TAF1A: variants seen among roughly 807,000 people sequenced by gnomAD.
TAF1A encodes TATA-box binding protein associated factor, RNA polymerase I subunit A.
Under a neutral mutation model 61.6 loss-of-function variants are expected in TAF1A, and 42 were observed. The ratio of observed to expected loss-of-function variants is 0.68; its 90% CI spans 0.53 to 0.88. The LOEUF (loss-of-function observed/expected upper bound fraction) is 0.88. Among genes scored for constraint, TAF1A ranks in the 40% least tolerant of loss-of-function variants. The pLI is 0.00. For synonymous variants in TAF1A, 179 were observed against 177.7 expected (o/e 1.01, Z -0.06); for missense variants, 424 against 518.7 (o/e 0.82, Z 1.77).
chr1:222,574,676 T>C (rs2102659982), intron 5 of TAF1A, among the ~76,000 whole-genome samples: 1 of 152,310 alleles, frequency 6.6e-6, no homozygotes, highest in African/African-American at 2.4e-5. Flanking sequence ...CTACATCCAA[T>C]AACATGTATT....
downstream of TAF1A, among the ~76,000 whole-genome samples, chr1:222,556,898 G>A (rs1659734883): frequency 1.3e-5 from 2 of 152,018 alleles, no homozygotes. Context: ...CTAGAGTATT[G>A]GTCTTATACA....
intron 5 of TAF1A, among the ~76,000 whole-genome samples, chr1:222,572,519 A>G (rs1227240888): frequency 2.0e-5 from 3 of 152,100 alleles, no homozygotes; most frequent in Non-Finnish European, 4.4e-5. Context: ...TACCACACTC[A>G]GCTAATTTTT....
chr1:222,556,673 G>C (rs1323386992), downstream of TAF1A, among the ~76,000 whole-genome samples: 1 of 150,648 alleles, frequency 6.6e-6, no homozygotes, highest in East Asian at 1.9e-4. Context: ...TACTCTTACT[G>C]AACATTTGAT....
At chr1:222,563,720 C>T (rs550742348) in intron 8 of TAF1A, among the ~76,000 whole-genome samples, 1 of 152,202 alleles carries the variant, frequency 6.6e-6, no homozygotes, top group Non-Finnish European at 1.5e-5. Flanking sequence ...TGAAATGTAG[C>T]AGGGATTAAA....
intron 2 of TAF1A, among the ~76,000 whole-genome samples, 160 bp downstream of exon 2, chr1:222,588,283 A>C (rs1171062325): frequency 6.6e-6 from 1 of 152,236 alleles, no homozygotes; most frequent in Non-Finnish European, 1.5e-5. Context: ...CCAAGGGCAA[A>C]GAATTCTAAA....
chr1:222,569,242 T>C, intron 7 of TAF1A: 4 of 1,267,446 alleles, frequency 3.2e-6, no homozygotes, highest in Non-Finnish European at 4.0e-6. Flanking sequence ...TAAAGTTGAT[T>C]TTCAAAAAAT....
intron 10 of TAF1A, among the ~76,000 whole-genome samples, chr1:222,560,528 C>T (rs1279156086): frequency 2.0e-5 from 3 of 152,118 alleles, no homozygotes; most frequent in African/African-American, 4.8e-5. Flanking sequence ...TGCTAGATGC[C>T]GCTCTACTCA....
Position 222,579,800 on chromosome 1 carries a change from CA to C in TAF1A, c.363del (p.Phe121LeufsTer5). 6.2e-7 allele frequency: 1 copy of C among 1,611,208 alleles called. No individual in the cohort carries two copies. Among genetic ancestry groups the C allele is most frequent in the Non-Finnish European group, 8.5e-7 (1 of 1,179,322 alleles). On this transcript the variant is annotated frameshift_variant, in exon 4 of 11. Transcript: ENST00000352967. LOFTEE classifies it high-confidence loss of function. ...PKSNMESFNT[F>X]ANRMKNIGVM... The stretch of plus-strand genomic sequence containing the variant: ...ACGCCAATATTTTTCATCCGGTTAG[CA>C]AAAGTATTGAAACTCTCCATGTTGC...
In TAF1A at chr1:222,569,620, T is replaced by C. The variant is rs751048328; in HGVS notation, c.784A>G (p.Asn262Asp). 25 of 1,613,920 alleles carry C rather than the reference T, an allele frequency of 1.5e-5. No homozygotes were observed. The African/African-American group carries it at 3.2e-4, about 21-fold the overall frequency. Residue 262 changes from asparagine (N) to aspartate (D), a missense_variant, in exon 7 of 11, where the codon AAT becomes GAT. Transcript: ENST00000352967. ...GGAAACTTTTCATCATATGCATAAT[T>C]GGTGAGTACCTCTTGGGCTCCATCT... ...DRDGAQEVLT[N>D]YAYDEKFPSN...
intron 7 of TAF1A, 40 bp from the exon 8 acceptor site, chr1:222,564,165 A>G: frequency 7.7e-7 from 1 of 1,306,508 alleles, no homozygotes; most frequent in Non-Finnish European, 1.1e-6. Context: ...ACATACTTGT[A>G]AAAGCATTTC....
chr1:222,560,877 A>C (rs2102636131), intron 10 of TAF1A, among the ~76,000 whole-genome samples: 1 of 152,350 alleles, frequency 6.6e-6, no homozygotes. Flanking sequence ...TCTTTGAAGA[A>C]AAAATCAATA....
At chr1:222,586,426 T>C (rs1354037705) in intron 2 of TAF1A, among the ~76,000 whole-genome samples, 1 of 152,202 alleles carries the variant, frequency 6.6e-6, no homozygotes, top group Non-Finnish European at 1.5e-5. Flanking sequence ...GTTTGGAAAA[T>C]ACTTTTGTCT....
intron 7 of TAF1A, chr1:222,568,810 C>T (rs906334375): frequency 6.6e-6 from 1 of 152,300 alleles, no homozygotes; most frequent in African/African-American, 2.4e-5. Context: ...CATGAATGTT[C>T]TCAGCAGCAT....
intron 2 of TAF1A, among the ~76,000 whole-genome samples, chr1:222,586,829 G>C (rs1661035999): frequency 2.0e-5 from 3 of 152,156 alleles, no homozygotes; most frequent in Non-Finnish European, 4.4e-5. Context: ...ACAATTGTTA[G>C]GCAATTTTGT....
chr1:222,566,178 T>C (rs1314720036), intron 7 of TAF1A, among the ~76,000 whole-genome samples: 2 of 152,098 alleles, frequency 1.3e-5, no homozygotes, highest in African/African-American at 4.8e-5. Flanking sequence ...TGAATAGACA[T>C]TTGCCAAAGA....
chr1:222,569,828 C>T (rs796903696), intron 6 of TAF1A, among the ~76,000 whole-genome samples, 160 bp from the exon 7 acceptor site: 1 of 152,222 alleles, frequency 6.6e-6, no homozygotes, highest in African/African-American at 2.4e-5. Flanking sequence ...ATAAACAATG[C>T]AGCAACCTCA....
At chr1:222,588,313 G>A in intron 2 of TAF1A, 130 bp downstream of exon 2, 1 of 1,122,352 alleles carries the variant, frequency 8.9e-7, no homozygotes, top group Non-Finnish European at 1.3e-6. Flanking sequence ...ATTTCTTTTG[G>A]CTTTTAGCCA....
intron 2 of TAF1A, 103 bp downstream of exon 2, chr1:222,588,340 T>G (rs1206530978): frequency 8.5e-6 from 12 of 1,410,684 alleles, no homozygotes; most frequent in Non-Finnish European, 1.1e-5. Flanking sequence ...CCTCCACATA[T>G]TCCTCTTGAA....
intron 2 of TAF1A, among the ~76,000 whole-genome samples, chr1:222,584,597 A>C (rs1660937855): frequency 6.6e-6 from 1 of 152,210 alleles, no homozygotes; most frequent in Admixed American, 6.5e-5. Flanking sequence ...GAATCTCTCA[A>C]ACAGGCCCCC....
Sources: gnomAD v4.1 joint callset for allele counts (sites outside exome capture counted in the v4.1 genomes callset) on GRCh38, gnomAD v4.1.1 for gene constraint, MANE v1.5 for transcripts, NCBI Gene and HGNC (gene_info 2026-07-23, HGNC 2026-07-21) for gene names.